PARP11: variants seen among roughly 807,000 people sequenced by gnomAD.
PARP11 encodes the protein poly(ADP-ribose) polymerase family member 11, also known as protein mono-ADP-ribosyltransferase PARP11.
In PARP11, 31 loss-of-function variants were observed where a neutral mutation model predicts 42.9. That is an observed-to-expected ratio of 0.72 (90% confidence interval 0.54 to 0.98). The LOEUF is 0.98. PARP11 is among the 50% of genes least tolerant of loss of function. PARP11 has a pLI of 0.00. For synonymous variants in PARP11, 137 were observed against 127.3 expected (o/e 1.08, Z -0.51); for missense variants, 365 against 413.1 (o/e 0.88, Z 1.01).
Position 3,839,930 on chromosome 12 carries a change from A to T in PARP11, c.19-9912T>A, listed in dbSNP as rs139511608. 27 of 1,134,384 alleles carry T rather than the reference A, an allele frequency of 2.4e-5. 1 individual carries two copies. The highest frequency in any genetic ancestry group is 3.5e-5 in the Non-Finnish European group (26 of 742,146). 70.3% of individuals were successfully genotyped at this position (1,134,384 alleles called of 1,614,324 possible). ...TCAGATTCAGAGGATGACAGCTGCA[A>T]GAGTAAAACTGCTGTTGCTGCTGCT... On this transcript the variant is annotated intron_variant, in intron 1 of 7. Coordinates refer to ENST00000228820, the MANE Select transcript of PARP11 (RefSeq NM_020367.6).
In PARP11 at chr12:3,812,233, T is replaced by TC. The variant is rs745836129; in HGVS notation, c.906dup (p.Ser303GlufsTer7). The TC allele has an allele frequency of 1.9e-6, 3 of 1,613,998 alleles. No individual in the cohort carries two copies. Among genetic ancestry groups the TC allele is most frequent in the African/African-American group, 1.3e-5 (1 of 74,910 alleles). On this transcript the variant is annotated frameshift_variant, in exon 8 of 8. Coordinates refer to ENST00000228820, the MANE Select transcript of PARP11 (RefSeq NM_020367.6). LOFTEE classifies it high-confidence loss of function. Reference sequence around the variant, plus strand: ...CAGCTGTCATATAAATTCACATAGCTCCCGTCTTTGGAAGGAGGTCGCATG... The same window carrying TC: ...CAGCTGTCATATAAATTCACATAGCTCCCCGTCTTTGGAAGGAGGTCGCATG...
At chr12:3,833,786 C>A (rs1222337917) in intron 1 of PARP11, among the ~76,000 whole-genome samples, 1 of 152,200 alleles carries the variant, frequency 6.6e-6, no homozygotes, top group Non-Finnish European at 1.5e-5. Flanking sequence ...CCATTCCCCA[C>A]ATCCTACCAG....
rs150666692 is a variant in PARP11, at chr12:3,828,697, A to G, written c.268+213T>C. 3.4e-3 allele frequency among the ~76,000 whole-genome samples: 514 copies of G among 152,322 alleles called. 3 individuals carry two copies. The highest frequency in any genetic ancestry group is 0.011 in the African/African-American group (468 of 41,568). On this transcript the variant is annotated intron_variant, in intron 3 of 7. Transcript: ENST00000228820. ...AATATATAAGACAATCTTCACATAC[A>G]TTAATATATACAAACATATAAACAC... is the stretch of plus-strand genomic sequence containing the variant.
chr12:3,857,914 C>A (rs1948221293), intron 1 of PARP11, among the ~76,000 whole-genome samples: 1 of 152,140 alleles, frequency 6.6e-6, no homozygotes, highest in Non-Finnish European at 1.5e-5. Context: ...AAAATATATT[C>A]TTGAATAGCA....
intron 1 of PARP11, among the ~76,000 whole-genome samples, chr12:3,852,865 G>A (rs1415276518): frequency 1.3e-5 from 2 of 152,194 alleles, no homozygotes; most frequent in Non-Finnish European, 2.9e-5. Context: ...GGAAAAAAAT[G>A]TTAAGGGCAG....
At chr12:3,862,393 A>G (rs1948310310) in intron 1 of PARP11, among the ~76,000 whole-genome samples, 2 of 152,030 alleles carry the variant, frequency 1.3e-5, no homozygotes, top group Non-Finnish European at 2.9e-5. Flanking sequence ...CAATGTTACA[A>G]TGAGCTATGA....
In PARP11 at chr12:3,837,597, AAAT is replaced by A. The variant is rs1947794279; in HGVS notation, c.19-7582_19-7580del. 3.9e-5 allele frequency among the ~76,000 whole-genome samples: 6 copies of A among 152,324 alleles called. No homozygotes were observed. The South Asian group carries it at 1.2e-3, about 32-fold the overall frequency. ...AATGAACTAGTAAGGACGACTTTAT[AAAT>A]AATAACCCTGAATGCAAATGGACTC... On this transcript the variant is annotated intron_variant, in intron 1 of 7. Transcript: ENST00000228820.
At chr12:3,825,779 C>T (rs1947506371) in intron 4 of PARP11, among the ~76,000 whole-genome samples, 1 of 151,902 alleles carries the variant, frequency 6.6e-6, no homozygotes, top group African/African-American at 2.4e-5. Context: ...GTTGGAGTGG[C>T]GCAGTGGTGC....
chr12:3,842,927 T>G (rs1460392832), intron 1 of PARP11, among the ~76,000 whole-genome samples: 3 of 152,260 alleles, frequency 2.0e-5, no homozygotes, highest in Non-Finnish European at 4.4e-5. Context: ...TGACACACTA[T>G]AGATTCCAAA....
At chr12:3,853,486 T>C (rs1301250898) in intron 1 of PARP11, among the ~76,000 whole-genome samples, 1 of 152,206 alleles carries the variant, frequency 6.6e-6, no homozygotes, top group African/African-American at 2.4e-5. Flanking sequence ...GTTGCAATCC[T>C]AGTCTCTGAT....
intron 1 of PARP11, among the ~76,000 whole-genome samples, chr12:3,871,288 T>C (rs1948473358): frequency 6.6e-6 from 1 of 152,216 alleles, no homozygotes; most frequent in Non-Finnish European, 1.5e-5. Context: ...TTATGTTTCA[T>C]ACACAATTAT....
intron 6 of PARP11, 139 bp from the exon 7 acceptor site, chr12:3,814,327 G>C: frequency 1.7e-6 from 1 of 586,470 alleles, no homozygotes; most frequent in Middle Eastern, 4.9e-4. Context: ...GACAAAGCAA[G>C]TCTAGAAAAG....
rs1948528596 is a variant in PARP11 at position 3,873,269 on chromosome 12, G to A, written c.-40C>T. 6.5e-7 allele frequency: 1 copy of A among 1,549,226 alleles called. No individual in the cohort carries two copies. The highest frequency in any genetic ancestry group is 8.7e-7 in the Non-Finnish European group (1 of 1,145,198). On this transcript the variant is annotated 5_prime_UTR_variant, in exon 1 of 8. Transcript: ENST00000228820. Reference sequence around the variant, plus strand: ...CGAGCGGAGAGAGCCTGTGGGAAGGGGCTAGCCGCGGGGCCTGGGTGTTGG... The same window carrying A: ...CGAGCGGAGAGAGCCTGTGGGAAGGAGCTAGCCGCGGGGCCTGGGTGTTGG...
intron 1 of PARP11, chr12:3,842,411 G>A: frequency 1.2e-6 from 2 of 1,610,458 alleles, no homozygotes; most frequent in Non-Finnish European, 1.7e-6. Flanking sequence ...CCAAGCAGAA[G>A]TCGGGATGAA....
At position 3,828,976 on chromosome 12, in the gene PARP11, T is replaced by C. The variant is rs1162558686; in HGVS notation, c.202A>G (p.Lys68Glu). The C allele has an allele frequency of 6.2e-7, 1 of 1,613,976 alleles. No homozygotes were observed. Among genetic ancestry groups the C allele is most frequent in the East Asian group, 2.2e-5 (1 of 44,882 alleles). ...GAAATGGAGCCACAAGGGTTTGTTT[T>C]GAAGCTTTTTTCGATATCTTCACTG... is the stretch of plus-strand genomic sequence containing the variant. ...VSSEDIEKSF[K>E]TNPCGSISFT... is the part of the protein sequence containing the mutation. The change falls in exon 3 of 8, where the codon AAA becomes GAA. Residue 68 changes from lysine to glutamate, a missense_variant. By Grantham distance (56) the Lys-to-Glu change is moderately conservative. Transcript: ENST00000228820.
At chr12:3,834,195 C>G (rs1947707297) in intron 1 of PARP11, among the ~76,000 whole-genome samples, 1 of 152,200 alleles carries the variant, frequency 6.6e-6, no homozygotes, top group South Asian at 2.1e-4. Flanking sequence ...AAAAAAGACT[C>G]TCACCTTCAG....
intron 6 of PARP11, chr12:3,815,111 T>C: frequency 2.2e-6 from 1 of 453,190 alleles, no homozygotes; most frequent in South Asian, 1.6e-5. Flanking sequence ...GATTGGTAGA[T>C]ACATGGGAGT....
At chr12:3,815,204 G>A (rs111808065) in intron 6 of PARP11, among the ~76,000 whole-genome samples, 96 of 152,230 alleles carry the variant, frequency 6.3e-4, no homozygotes, top group South Asian at 2.5e-3. Context: ...CCCCTCCCCC[G>A]GCTTCTGATA....
chr12:3,870,600 C>T (rs953093921), intron 1 of PARP11, among the ~76,000 whole-genome samples: 1 of 152,196 alleles, frequency 6.6e-6, no homozygotes, highest in Non-Finnish European at 1.5e-5. Context: ...ATCTTTAGTC[C>T]TTGCTGGTAC....
Sources: allele counts gnomAD v4.1 joint callset (sites outside exome capture counted in the v4.1 genomes callset), GRCh38; gene constraint gnomAD v4.1.1; transcripts MANE v1.5; gene names NCBI Gene and HGNC (gene_info 2026-07-23, HGNC 2026-07-21).